ZNF280D: variants seen among roughly 807,000 people sequenced by gnomAD.
The protein encoded by ZNF280D is zinc finger protein 280D, also known as suppressor of hairy wing homolog 4.
Under a neutral mutation model 94.7 loss-of-function variants are expected in ZNF280D, and 39 were observed. The observed-to-expected ratio is 0.41, with a 90% CI of 0.32 to 0.54. The LOEUF (loss-of-function observed/expected upper bound fraction) is 0.54, where lower values mean the gene tolerates loss of function less well. Ranked by LOEUF, ZNF280D falls within the 20% of genes least tolerant of loss-of-function variation. ZNF280D has a pLI of 0.22. For synonymous variants in ZNF280D, 398 were observed against 377.6 expected, an observed-to-expected ratio of 1.05 and a Z score of -0.63; for missense variants, 1,090 against 1,149.3, an observed-to-expected ratio of 0.95 and a Z score of 0.75.
intron 9 of ZNF280D, among the ~76,000 whole-genome samples, chr15:56,685,903 T>C (rs2055974392): frequency 6.6e-6 from 1 of 152,060 alleles, no homozygotes; most frequent in African/African-American, 2.4e-5. Flanking sequence ...AGAAGAGATT[T>C]TCATATAGGA....
chr15:56,665,243 A>C (rs1338245555), intron 16 of ZNF280D, among the ~76,000 whole-genome samples: 7 of 152,204 alleles, frequency 4.6e-5, no homozygotes, highest in Admixed American at 4.6e-4. Context: ...TGTAATCTGC[A>C]AGAAAGTCAC....
At chr15:56,689,826 T>C (rs1291134015) in intron 7 of ZNF280D, among the ~76,000 whole-genome samples, 6 of 152,150 alleles carry the variant, frequency 3.9e-5, no homozygotes, top group African/African-American at 1.4e-4. Context: ...GAATTATCTT[T>C]AGATGCTTAA....
chr15:56,669,964 A>ATATATATATAT (rs2054697646), intron 13 of ZNF280D, among the ~76,000 whole-genome samples: 3 of 1,696 alleles, frequency 1.8e-3, no homozygotes, highest in Admixed American at 0.021. Flanking sequence ...TATATATATT[A>ATATATATATAT]TATATATATA....
At position 56,635,393 on chromosome 15, in the gene ZNF280D, ATATAAT is replaced by A. The variant is rs1178172001; in HGVS notation, c.2260-149_2260-144del. 6.0e-5 allele frequency: 14 copies of A among 232,946 alleles called. 1 individual carries two copies. In the South Asian group the frequency reaches 1.9e-3, roughly 32 times the overall value. 14.4% of individuals were successfully genotyped at this position (232,946 alleles called of 1,614,324 possible). A position where few individuals can be genotyped will look rare whatever the true frequency, so the allele number is the denominator to read the frequency against. On this transcript the variant is annotated intron_variant, in intron 20 of 21. Transcript: ENST00000267807. ...AGAAAAATAATTTATTAAATATAAA[ATATAAT>A]TAGAATACTCCATAATTATATGCAG...
chr15:56,709,139 A>G (rs2057600441), intron 1 of ZNF280D, among the ~76,000 whole-genome samples: 1 of 152,242 alleles, frequency 6.6e-6, no homozygotes, highest in African/African-American at 2.4e-5. Context: ...CAGAATCTAC[A>G]AAGAACTCAA....
chr15:56,648,229 C>A (rs753666594), intron 19 of ZNF280D, among the ~76,000 whole-genome samples: 12 of 152,064 alleles, frequency 7.9e-5, no homozygotes, highest in African/African-American at 2.9e-4. Flanking sequence ...AGTATCACTG[C>A]TAAATTAATC....
At chr15:56,682,796 A>C (rs2055720629) in intron 9 of ZNF280D, among the ~76,000 whole-genome samples, 1 of 152,064 alleles carries the variant, frequency 6.6e-6, no homozygotes, top group Admixed American at 6.5e-5. Flanking sequence ...TCTGTTCCTT[A>C]ACTAAAAATC....
At chr15:56,704,023 T>C (rs2057249467) in intron 4 of ZNF280D, 98 bp downstream of exon 4, 1 of 1,290,484 alleles carries the variant, frequency 7.7e-7, no homozygotes, top group Non-Finnish European at 1.1e-6. Flanking sequence ...CTCTTTACAG[T>C]GGAACATGAA....
intron 1 of ZNF280D, chr15:56,732,623 T>G (rs912441353): frequency 6.6e-6 from 1 of 151,914 alleles, no homozygotes; most frequent in Admixed American, 6.6e-5. Flanking sequence ...TTTTAACAAA[T>G]CTTCGCAAAC....
chr15:56,706,639 T>C (rs2057420376), intron 3 of ZNF280D, among the ~76,000 whole-genome samples: 1 of 152,116 alleles, frequency 6.6e-6, no homozygotes, highest in African/African-American at 2.4e-5. Context: ...ATGTCCATTG[T>C]GTAAGCCACC....
At position 56,691,442 on chromosome 15, in the gene ZNF280D, T is replaced by G. The variant is rs185793191; in HGVS notation, c.499+1656A>C. Among the ~76,000 whole-genome samples the G allele has an allele frequency of 2.0e-5, 3 of 152,308 alleles. No homozygotes were observed. In the East Asian group the frequency reaches 5.8e-4, roughly 29 times the overall value. On this transcript the variant is annotated intron_variant, in intron 7 of 21. Coordinates refer to ENST00000267807, the MANE Select transcript of ZNF280D (RefSeq NM_017661.4). Reference sequence around the variant, plus strand: ...ATTCTGAATTAAGCATCTGATTATATAGGAGGCTGGACAGTAGAAACAGAC... The same window carrying G: ...ATTCTGAATTAAGCATCTGATTATAGAGGAGGCTGGACAGTAGAAACAGAC...
chr15:56,719,837 T>C (rs188672054), intron 1 of ZNF280D, among the ~76,000 whole-genome samples: 1 of 149,764 alleles, frequency 6.7e-6, no homozygotes, highest in African/African-American at 2.5e-5. Flanking sequence ...TACAATAGCA[T>C]TGTCTCTAAA....
rs571113126 is a variant in ZNF280D, at chr15:56,631,414, C to A, written c.*84G>T. The A allele has an allele frequency of 1.6e-3, 2,269 of 1,445,108 alleles. 3 individuals are homozygous for A. Among genetic ancestry groups the A allele is most frequent in the Non-Finnish European group, 1.9e-3 (2,061 of 1,057,708 alleles). 89.5% of individuals were successfully genotyped at this position (1,445,108 alleles called of 1,614,324 possible). A position where few individuals can be genotyped will look rare whatever the true frequency, so the allele number is the denominator to read the frequency against. ...CCCTTACATATTTCCATTTCTGAAC[C>A]TACAACAGCACCACTGAGCTCACCT... is the stretch of plus-strand genomic sequence containing the variant. On this transcript the variant is annotated 3_prime_UTR_variant, in exon 22 of 22. Coordinates refer to ENST00000267807, the MANE Select transcript of ZNF280D (RefSeq NM_017661.4).
rs190804473 is a variant in ZNF280D, at chr15:56,711,109, T to C, written c.-85-3803A>G. 4.5e-4 allele frequency among the ~76,000 whole-genome samples: 68 copies of C among 152,338 alleles called. No homozygotes were observed. The East Asian group carries it at 0.013, about 29-fold the overall frequency. On this transcript the variant is annotated intron_variant, in intron 1 of 21. Coordinates refer to ENST00000267807, the MANE Select transcript of ZNF280D (RefSeq NM_017661.4). ...ATGAAGAGTAAAACATGGTGAAGAA[T>C]GAATGCCAAATTCAAATTCTGACTC... is the stretch of plus-strand genomic sequence containing the variant.
chr15:56,665,825 T>C (rs960294313), intron 16 of ZNF280D, among the ~76,000 whole-genome samples: 19 of 151,242 alleles, frequency 1.3e-4, no homozygotes, highest in Non-Finnish European at 1.5e-5. Context: ...AATGGGGCAA[T>C]AAAAAGTTCC....
At chr15:56,654,010 C>A (rs2053370174) in intron 19 of ZNF280D, 188 bp downstream of exon 19, 1 of 1,433,722 alleles carries the variant, frequency 7.0e-7, no homozygotes, top group South Asian at 1.7e-5. Context: ...TTAGGAAATT[C>A]CAACTTGTCT....
At chr15:56,687,232 T>G (rs1157959096) in intron 9 of ZNF280D, among the ~76,000 whole-genome samples, 2 of 152,116 alleles carry the variant, frequency 1.3e-5, no homozygotes, top group Non-Finnish European at 2.9e-5. Flanking sequence ...AAATACAATT[T>G]CTTACAATGA....
intron 3 of ZNF280D, among the ~76,000 whole-genome samples, chr15:56,705,061 T>C (rs760751156): frequency 2.0e-5 from 3 of 152,094 alleles, no homozygotes. Flanking sequence ...ATTAGGCTTA[T>C]TCAATTAAAG....
chr15:56,704,074 G>C (rs887464854), intron 4 of ZNF280D, 47 bp downstream of exon 4: 1 of 1,602,048 alleles, frequency 6.2e-7, no homozygotes, highest in Admixed American at 1.7e-5. Context: ...TTTTCTACTA[G>C]AAATAATACC....
Sources: gnomAD v4.1 joint callset for allele counts (sites outside exome capture counted in the v4.1 genomes callset) on GRCh38, gnomAD v4.1.1 for gene constraint, MANE v1.5 for transcripts, NCBI Gene and HGNC (gene_info 2026-07-23, HGNC 2026-07-21) for gene names.